Variants in MAST4 observed in about 807,000 individuals in gnomAD.
MAST4 encodes microtubule-associated serine/threonine-protein kinase 4.
A neutral mutation model predicts 162.7 loss-of-function variants in MAST4; 89 were observed. The ratio of observed to expected loss-of-function variants is 0.55; its 90% CI spans 0.46 to 0.65. MAST4 has a LOEUF of 0.65. MAST4 is among the 30% of genes least tolerant of loss of function. MAST4 has a pLI of 0.00. For missense variants in MAST4, 3,153 were observed against 3,374.0 expected, an observed-to-expected ratio of 0.93 and a Z score of 1.62; for synonymous variants, 1,479 against 1,361.1, an observed-to-expected ratio of 1.09 and a Z score of -1.91.
chr5:66,816,445 T>C (rs1756727879), intron 3 of MAST4, among the ~76,000 whole-genome samples: 1 of 152,210 alleles, frequency 6.6e-6, no homozygotes, highest in Non-Finnish European at 1.5e-5. Flanking sequence ...TGATAAATAT[T>C]ACAGGAACAT....
At position 67,152,885 on chromosome 5, in the gene MAST4, G is replaced by T. The variant is rs747438348; in HGVS notation, c.3525+19G>T. The T allele has an allele frequency of 3.1e-6, 5 of 1,587,330 alleles. No individual in the cohort carries two copies. The highest frequency in any genetic ancestry group is 4.3e-6 in the Non-Finnish European group (5 of 1,157,906). On this transcript the variant is annotated intron_variant, in intron 25 of 28. Coordinates refer to ENST00000403625, the MANE Select transcript of MAST4 (RefSeq NM_001164664.2). ...CGTCTGGGTAAGACCTGCATGTCTC[G>T]CACTTGGGATTTTTCATTTCCAGCC...
At chr5:66,849,340 C>G (rs560388262) in intron 3 of MAST4, among the ~76,000 whole-genome samples, 52 of 152,168 alleles carry the variant, frequency 3.4e-4, no homozygotes, top group Non-Finnish European at 4.4e-4. Flanking sequence ...GTGCCCTCCT[C>G]CTGAGGAGTC....
chr5:66,956,971 A>T (rs1261457555), intron 4 of MAST4, among the ~76,000 whole-genome samples: 3 of 152,146 alleles, frequency 2.0e-5, no homozygotes, highest in Non-Finnish European at 4.4e-5. Context: ...TTTACATTGA[A>T]AGGAGGCTTA....
chr5:67,035,694 C>G (rs1360488334), intron 4 of MAST4, among the ~76,000 whole-genome samples: 1 of 152,146 alleles, frequency 6.6e-6, no homozygotes, highest in Non-Finnish European at 1.5e-5. Flanking sequence ...GCCTGGCTTC[C>G]TTTCTTCACT....
intron 4 of MAST4, among the ~76,000 whole-genome samples, chr5:66,916,022 T>C (rs1382640474): frequency 6.6e-6 from 1 of 152,214 alleles, no homozygotes; most frequent in Non-Finnish European, 1.5e-5. Context: ...GCTCTCAAGC[T>C]CTTGCAATGC....
chr5:67,127,781 G>A (rs988830284), intron 14 of MAST4, among the ~76,000 whole-genome samples: 6 of 152,026 alleles, frequency 3.9e-5, no homozygotes, highest in Non-Finnish European at 7.4e-5. Flanking sequence ...CATACTAAAA[G>A]CCTTTAATCT....
Position 67,033,315 on chromosome 5 carries a change from C to CTCTGTG in MAST4, c.675-21088_675-21087insCTGTGT, listed in dbSNP as rs1554084489. On this transcript the variant is annotated intron_variant, in intron 4 of 28. Coordinates refer to ENST00000403625, the MANE Select transcript of MAST4 (RefSeq NM_001164664.2). ...ATTACTTTTTTGGGTTTTCATTTCT[C>CTCTGTG]TGTGTGTGTGTGTGTGTGTGTGTGT... is the stretch of plus-strand genomic sequence containing the variant. Among the ~76,000 whole-genome samples the CTCTGTG allele has an allele frequency of 4.2e-3, 523 of 125,992 alleles. 11 individuals are homozygous for CTCTGTG. Among genetic ancestry groups the CTCTGTG allele is most frequent in the African/African-American group, 0.015 (498 of 32,286 alleles). 82.7% of individuals were successfully genotyped at this position (125,992 alleles called of 152,430 possible). A position where few individuals can be genotyped will look rare whatever the true frequency, so the allele number is the denominator to read the frequency against.
chr5:66,926,108 T>G (rs979510019), intron 4 of MAST4, among the ~76,000 whole-genome samples: 1 of 152,164 alleles, frequency 6.6e-6, no homozygotes, highest in Non-Finnish European at 1.5e-5. Flanking sequence ...AGGCTCTCAT[T>G]TACTGGTATG....
At chr5:66,745,413 G>T (rs1011781278) in intron 1 of MAST4, among the ~76,000 whole-genome samples, 1 of 152,166 alleles carries the variant, frequency 6.6e-6, no homozygotes, top group South Asian at 2.1e-4. Context: ...GAACGTGGTG[G>T]ATGGATTTGA....
intron 4 of MAST4, among the ~76,000 whole-genome samples, chr5:67,024,338 C>T (rs149978880): frequency 0.061 from 8,875 of 144,600 alleles, 858 homozygotes; most frequent in African/African-American, 0.21. Flanking sequence ...TATATATATA[C>T]ACACACACAC....
intron 4 of MAST4, among the ~76,000 whole-genome samples, chr5:66,902,972 C>G (rs2149986831): frequency 6.6e-6 from 1 of 152,244 alleles, no homozygotes; most frequent in Non-Finnish European, 1.5e-5. Flanking sequence ...AAATATTATA[C>G]AGCAGGTAAA....
intron 5 of MAST4, among the ~76,000 whole-genome samples, chr5:67,078,922 A>AT (rs1434438738): frequency 0.021 from 1,533 of 74,240 alleles, 74 homozygotes; most frequent in African/African-American, 0.062. Context: ...ATATATATAT[A>AT]TATATATATA....
intron 4 of MAST4, among the ~76,000 whole-genome samples, chr5:66,914,822 AG>A (rs1764002252): frequency 6.6e-6 from 1 of 152,192 alleles, no homozygotes; most frequent in South Asian, 2.1e-4. Context: ...TTTGGGGACC[AG>A]GGTTTCTCTC....
intron 1 of MAST4, among the ~76,000 whole-genome samples, chr5:66,699,825 C>A (rs1749648789): frequency 6.6e-6 from 1 of 152,012 alleles, no homozygotes; most frequent in Admixed American, 6.6e-5. Flanking sequence ...GGCTTAATAC[C>A]TAGGTGATGG....
Position 67,164,135 on chromosome 5 carries a change from C to G in MAST4, c.4956C>G (p.Ser1652=). ...CCCTCCAGGATGGTCTCTGCCACTC[C>G]CTCGACAGGGGCATCTCTGGGAAGG... ...PGTLQDGLCH[S]LDRGISGKGE... Residue 1652 remains serine (S), a synonymous_variant, in exon 29 of 29, where the codon TCC becomes TCG. Coordinates refer to ENST00000403625, the MANE Select transcript of MAST4 (RefSeq NM_001164664.2). This position sits in a 1 kb window ranked among gnomAD's most constrained non-coding sequence, Gnocchi z 5.3. The G allele has an allele frequency of 6.2e-7, 1 of 1,604,004 alleles. No individual in the cohort carries two copies. The highest frequency in any genetic ancestry group is 1.1e-5 in the South Asian group (1 of 89,306).
intron 1 of MAST4, among the ~76,000 whole-genome samples, chr5:66,684,357 A>ATACCAGGAGCT (rs33962272): frequency 4.8e-4 from 73 of 151,624 alleles, no homozygotes; most frequent in East Asian, 7.8e-4. Context: ...TCTTCCAGCT[A>ATACCAGGAGCT]TTTTTTTTTC....
At chr5:66,767,564 G>A (rs888564486) in intron 2 of MAST4, among the ~76,000 whole-genome samples, 3 of 151,932 alleles carry the variant, frequency 2.0e-5, no homozygotes, top group African/African-American at 7.2e-5. Context: ...CCTGGAGAGA[G>A]TTATTACGGT....
chr5:66,867,350 T>C (rs1760605838), intron 3 of MAST4, among the ~76,000 whole-genome samples: 1 of 152,226 alleles, frequency 6.6e-6, no homozygotes, highest in Admixed American at 6.5e-5. Flanking sequence ...GATACATTGT[T>C]TTCCATAGAG....
At chr5:66,887,540 A>G (rs1762115461) in intron 3 of MAST4, among the ~76,000 whole-genome samples, 1 of 152,200 alleles carries the variant, frequency 6.6e-6, no homozygotes. Context: ...CTGGCGCCAT[A>G]TGGAAACAGC....
Sources: gnomAD v4.1 joint callset for allele counts (sites outside exome capture counted in the v4.1 genomes callset) on GRCh38, gnomAD v4.1.1 for gene constraint, Gnocchi (gnomAD v3.1) non-coding constraint, MANE v1.5 for transcripts, NCBI Gene and HGNC (gene_info 2026-07-23, HGNC 2026-07-21) for gene names.